The following LITAF variants were observed in gnomAD, a reference collection of about 807,000 sequenced individuals.
LITAF encodes the protein lipopolysaccharide induced TNF factor, also known as lipopolysaccharide-induced tumor necrosis factor-alpha factor.
Under a neutral mutation model 14.5 loss-of-function variants are expected in LITAF, and 9 were observed. The observed-to-expected ratio is 0.62, with a 90% CI of 0.37 to 1.08. The LOEUF (loss-of-function observed/expected upper bound fraction) is 1.08. LITAF is among the 50% of genes least tolerant of loss of function. The probability of loss-of-function intolerance (pLI) is 0.01; values close to 1 mark genes in which losing one functional copy is unlikely to be tolerated. For synonymous variants in LITAF, 98 were observed against 88.2 expected (o/e 1.11, Z -0.62); for missense variants, 206 against 213.4 (o/e 0.97, Z 0.22).
At chr16:11,566,937 G>T (rs982828234) in intron 1 of LITAF, among the ~76,000 whole-genome samples, 1 of 152,234 alleles carries the variant, frequency 6.6e-6, no homozygotes, top group African/African-American at 2.4e-5. Context: ...TGGTCTCACA[G>T]TTCAGCTCAA....
At chr16:11,585,212 G>A (rs543132874) in intron 1 of LITAF, among the ~76,000 whole-genome samples, 99 of 145,198 alleles carry the variant, frequency 6.8e-4, no homozygotes, top group Admixed American at 2.2e-3. Flanking sequence ...CAGCCTAGGC[G>A]ACAGTGAGAC....
At chr16:11,597,232 G>A (rs924592608) in intron 1 of LITAF, among the ~76,000 whole-genome samples, 2 of 152,144 alleles carry the variant, frequency 1.3e-5, no homozygotes, top group African/African-American at 4.8e-5. Flanking sequence ...AGTACCCTGT[G>A]ACTTTGGGGT....
At chr16:11,569,823 A>G (rs2868422) in intron 1 of LITAF, among the ~76,000 whole-genome samples, 1 of 152,194 alleles carries the variant, frequency 6.6e-6, no homozygotes, top group Middle Eastern at 3.2e-3. Flanking sequence ...ACTTGAGGTC[A>G]GAAGTTCAAG....
intron 3 of LITAF, among the ~76,000 whole-genome samples, chr16:11,610,415 A>T (rs2064976289): frequency 8.1e-6 from 1 of 123,620 alleles, no homozygotes; most frequent in East Asian, 2.5e-4. Flanking sequence ...CAGGCAGGAA[A>T]TCTTTATTCT....
chr16:11,552,804 A>G lies in LITAF; in HGVS notation c.377+729T>C, dbSNP rs564674402. The stretch of plus-strand genomic sequence containing the variant: ...TATTCAATATCCTACAATGCACAGG[A>G]CACCCCCTACAATAAAGAAATGTCT... On this transcript the variant is annotated intron_variant, in intron 3 of 3. Coordinates refer to ENST00000622633, the MANE Select transcript of LITAF (RefSeq NM_001136472.2). Among the ~76,000 whole-genome samples the G allele has an allele frequency of 7.4e-4, 112 of 152,172 alleles. 2 individuals carry two copies. The South Asian group carries it at 0.021, about 28-fold the overall frequency.
intron 2 of LITAF, among the ~76,000 whole-genome samples, chr16:11,635,032 TCAAAAA>T (rs1382623860): frequency 2.0e-4 from 28 of 139,686 alleles, no homozygotes; most frequent in African/African-American, 7.5e-4. Flanking sequence ...AGACTCCATC[TCAAAAA>T]TAAAATAAAA....
At chr16:11,596,495 AG>A (rs2064887953) in intron 1 of LITAF, among the ~76,000 whole-genome samples, 1 of 7,470 alleles carries the variant, frequency 1.3e-4, no homozygotes, top group Non-Finnish European at 2.4e-4. Flanking sequence ...GAGGAGGGGG[AG>A]GGGGGAAGGG....
chr16:11,577,278 G>C (rs1470439465), intron 1 of LITAF, among the ~76,000 whole-genome samples: 1 of 151,442 alleles, frequency 6.6e-6, no homozygotes, highest in African/African-American at 2.4e-5. Flanking sequence ...TCCCATCTAT[G>C]ACAGGGTATC....
intron 1 of LITAF, among the ~76,000 whole-genome samples, chr16:11,595,720 C>T (rs2141856498): frequency 6.6e-6 from 1 of 152,228 alleles, no homozygotes; most frequent in South Asian, 2.1e-4. Flanking sequence ...CAGAGTGAGA[C>T]TCCGTCTCAA....
intron 1 of LITAF, among the ~76,000 whole-genome samples, chr16:11,579,795 C>T (rs1445703043): frequency 6.6e-6 from 1 of 152,180 alleles, no homozygotes; most frequent in East Asian, 1.9e-4. Context: ...TATTTAAATA[C>T]TTTCAGGGAT....
At chr16:11,583,127 G>A (rs2064763751) in intron 1 of LITAF, among the ~76,000 whole-genome samples, 1 of 152,176 alleles carries the variant, frequency 6.6e-6, no homozygotes, top group South Asian at 2.1e-4. Flanking sequence ...AGTTTCAGTA[G>A]ACCTCAGTAA....
chr16:11,552,884 C>CG (rs2064202645), intron 3 of LITAF, among the ~76,000 whole-genome samples: 1 of 151,880 alleles, frequency 6.6e-6, no homozygotes, highest in Non-Finnish European at 1.5e-5. Context: ...GAGGCTGAGG[C>CG]GGGTGGACCA....
At chr16:11,551,542 A>C (rs1011931541) in intron 3 of LITAF, among the ~76,000 whole-genome samples, 2 of 152,188 alleles carry the variant, frequency 1.3e-5, no homozygotes, top group Non-Finnish European at 2.9e-5. Context: ...GCCAATACTC[A>C]ATGTAAGTTT....
intron 1 of LITAF, among the ~76,000 whole-genome samples, chr16:11,595,596 G>A (rs369677443): frequency 1.3e-5 from 2 of 152,180 alleles, no homozygotes; most frequent in Non-Finnish European, 2.9e-5. Context: ...GGGCATGGTC[G>A]GGGACTCCTG....
Position 11,627,726 on chromosome 16 carries a change from C to T in LITAF, c.85+5807G>A, listed in dbSNP as rs565262359. 2.0e-5 allele frequency among the ~76,000 whole-genome samples: 3 copies of T among 152,236 alleles called. No homozygotes were observed. In the South Asian group the frequency reaches 6.2e-4, roughly 32 times the overall value. ...AGGTGTGGTGGTGCACGCCTGTAGC[C>T]CCAGCTACTCTGGAGGCTGACGCAG... On this transcript the variant is annotated intron_variant, in intron 3 of 3. Transcript: ENST00000574848.
chr16:11,637,958 A>ATATATATC (rs1288028614), upstream of LITAF, among the ~76,000 whole-genome samples: 50 of 61,742 alleles, frequency 8.1e-4, 15 homozygotes, highest in Non-Finnish European at 1.3e-3. Flanking sequence ...ATATATATCT[A>ATATATATC]TATATATCTA....
At chr16:11,569,109 G>C (rs1414999478) in intron 1 of LITAF, among the ~76,000 whole-genome samples, 3 of 152,226 alleles carry the variant, frequency 2.0e-5, no homozygotes, top group Admixed American at 1.3e-4. Flanking sequence ...CCAAGGCTGA[G>C]AACTGCCCTT....
intron 3 of LITAF, among the ~76,000 whole-genome samples, chr16:11,633,076 G>A (rs1427221882): frequency 1.3e-5 from 2 of 152,170 alleles, no homozygotes; most frequent in Non-Finnish European, 2.9e-5. Context: ...CGTCACCCCT[G>A]CATACACATA....
intron 3 of LITAF, chr16:11,551,909 G>A: frequency 2.3e-6 from 1 of 428,544 alleles, no homozygotes; most frequent in South Asian, 4.6e-5. Context: ...CAAATATCCA[G>A]AGGCAATGGA....
Sources: allele counts gnomAD v4.1 joint callset (sites outside exome capture counted in the v4.1 genomes callset), GRCh38; gene constraint gnomAD v4.1.1; transcripts MANE v1.5; gene names NCBI Gene and HGNC (gene_info 2026-07-23, HGNC 2026-07-21).